Variants in OR7A10 observed in about 807,000 individuals in gnomAD.
The protein encoded by OR7A10 is olfactory receptor 7A10.
For missense variants in OR7A10, 358 were observed against 370.1 expected, an observed-to-expected ratio of 0.97 and a Z score of 0.27; for synonymous variants, 144 against 144.5, an observed-to-expected ratio of 1.00 and a Z score of 0.02.
intron 1 of OR7A10, among the ~76,000 whole-genome samples, chr19:14,845,292 T>C (rs893787136): frequency 6.6e-6 from 1 of 151,678 alleles, no homozygotes; most frequent in African/African-American, 2.4e-5. Flanking sequence ...CTGACCAACA[T>C]GGTGACACCC....
intron 1 of OR7A10, among the ~76,000 whole-genome samples, chr19:14,848,242 G>A (rs1169728868): frequency 1.3e-5 from 2 of 152,064 alleles, no homozygotes; most frequent in African/African-American, 4.8e-5. Context: ...AACTACTTTA[G>A]ACCCCACATT....
At position 14,841,893 on chromosome 19, in the gene OR7A10, C is replaced by T; in HGVS notation, c.-12-4G>A. 7.4e-7 allele frequency: 1 copy of T among 1,350,760 alleles called. No homozygotes were observed. The highest frequency in any genetic ancestry group is 1.0e-6 in the Non-Finnish European group (1 of 967,998). 83.7% of individuals were successfully genotyped at this position (1,350,760 alleles called of 1,614,324 possible). A position where few individuals can be genotyped will look rare whatever the true frequency, so the allele number is the denominator to read the frequency against. On this transcript the variant is annotated splice_polypyrimidine_tract_variant and splice_region_variant and intron_variant, in intron 1 of 1. Transcript: ENST00000641129. The stretch of plus-strand genomic sequence containing the variant: ...ATGATTTCATCTTGTGATGTGACTA[C>T]CAGAGAGAGAGAGAGAGAGAGAGAG...
chr19:14,840,839 T>C lies in OR7A10; in HGVS notation c.*109A>G. ...ACAAAGAAGTTTAAACTCCAGGAAA[T>C]AAATGGAAGGGGCAAGTCTTCCTTC... On this transcript the variant is annotated 3_prime_UTR_variant, in exon 2 of 2. Coordinates refer to ENST00000641129, the MANE Select transcript of OR7A10 (RefSeq NM_001005190.2). 1 of 745,634 alleles carries C rather than the reference T, an allele frequency of 1.3e-6. No homozygotes were observed. Among genetic ancestry groups the C allele is most frequent in the South Asian group, 2.0e-5 (1 of 50,600 alleles). The allele number at this position is 745,634 out of a possible 1,614,324, so 46.2% of individuals were successfully genotyped here.
chr19:14,844,260 A>G (rs978022759), intron 1 of OR7A10, among the ~76,000 whole-genome samples: 1 of 152,218 alleles, frequency 6.6e-6, no homozygotes, highest in African/African-American at 2.4e-5. Context: ...CAAAAAAGAA[A>G]ACATGGATGA....
At chr19:14,842,408 G>T (rs758110478) in intron 1 of OR7A10, among the ~76,000 whole-genome samples, 1 of 152,124 alleles carries the variant, frequency 6.6e-6, no homozygotes, top group Non-Finnish European at 1.5e-5. Flanking sequence ...GCACCACCAC[G>T]CCCATCTAAT....
chr19:14,847,179 G>A (rs2044946806), intron 1 of OR7A10, among the ~76,000 whole-genome samples: 1 of 152,108 alleles, frequency 6.6e-6, no homozygotes, highest in Admixed American at 6.5e-5. Context: ...GTTAAAGAAT[G>A]TAATAAAAAA....
intron 1 of OR7A10, among the ~76,000 whole-genome samples, chr19:14,842,408 G>A (rs758110478): frequency 5.3e-5 from 8 of 152,242 alleles, no homozygotes; most frequent in African/African-American, 9.6e-5. Flanking sequence ...GCACCACCAC[G>A]CCCATCTAAT....
rs759226616 is a variant in OR7A10 at position 14,841,773 on chromosome 19, G to C, written c.105C>G (p.Tyr35Ter). Reference protein sequence around the residue: ...AFLFGLFLSMYLVTVLGNLLI... With the variant: ...AFLFGLFLSM ...GCAGGTTCCCGAGCACAGTGACCAGGTACATGGACAGGAACAGCCCAAAGA... is the reference window on the plus strand; with the variant it reads ...GCAGGTTCCCGAGCACAGTGACCAGCTACATGGACAGGAACAGCCCAAAGA... Residue 35 changes from tyrosine to a stop codon, truncating the protein, a stop_gained, in exon 2 of 2, where the codon TAC becomes TAG. Coordinates refer to ENST00000641129, the MANE Select transcript of OR7A10 (RefSeq NM_001005190.2). LOFTEE classifies it low-confidence loss of function (END_TRUNC). The C allele has an allele frequency of 6.2e-7, 1 of 1,614,054 alleles. No homozygotes were observed. The highest frequency in any genetic ancestry group is 8.5e-7 in the Non-Finnish European group (1 of 1,180,018).
At chr19:14,843,669 T>C (rs181344018) in intron 1 of OR7A10, among the ~76,000 whole-genome samples, 1 of 152,358 alleles carries the variant, frequency 6.6e-6, no homozygotes, top group East Asian at 1.9e-4. Context: ...TCTGAGGGCA[T>C]CTACTCTACA....
intron 1 of OR7A10, among the ~76,000 whole-genome samples, chr19:14,844,728 T>C (rs1568258989): frequency 7.1e-6 from 1 of 141,842 alleles, no homozygotes; most frequent in Non-Finnish European, 1.5e-5. Flanking sequence ...AGCAGTGCGA[T>C]CTTGGCTCAC....
chr19:14,843,830 CAT>C (rs1261534918), intron 1 of OR7A10, among the ~76,000 whole-genome samples: 3 of 152,130 alleles, frequency 2.0e-5, no homozygotes, highest in Non-Finnish European at 4.4e-5. Flanking sequence ...CCAAACACCA[CAT>C]GTTCTCACTT....
In OR7A10 at chr19:14,841,772, G is replaced by T. The variant is rs753685929; in HGVS notation, c.106C>A (p.Leu36Met). ...FLFGLFLSMY[L>M]VTVLGNLLII... ...AGCAGGTTCCCGAGCACAGTGACCA[G>T]GTACATGGACAGGAACAGCCCAAAG... Residue 36 changes from leucine (L) to methionine (M), a missense_variant, in exon 2 of 2, where the codon CTG becomes ATG. By Grantham distance (15) the Leu-to-Met change is conservative (BLOSUM62 2). Coordinates refer to ENST00000641129, the MANE Select transcript of OR7A10 (RefSeq NM_001005190.2). The T allele has an allele frequency of 6.2e-7, 1 of 1,614,044 alleles. No individual in the cohort carries two copies. The highest frequency in any genetic ancestry group is 8.5e-7 in the Non-Finnish European group (1 of 1,180,004).
Position 14,841,346 on chromosome 19 carries a change from A to G in OR7A10, c.532T>C (p.Phe178Leu), listed in dbSNP as rs1352961230. 3.7e-6 allele frequency: 6 copies of G among 1,614,062 alleles called. No homozygotes were observed. The highest frequency in any genetic ancestry group is 5.1e-6 in the Non-Finnish European group (6 of 1,180,038). Reference protein sequence around the residue: ...FCTHMEIPHFFCEINQVVHLA... With the variant: ...FCTHMEIPHFLCEINQVVHLA... Reference sequence around the variant, plus strand: ...TGGACCACCTGATTAATTTCACAGAAAAAATGAGGGATTTCCATGTGTGTA... The same window carrying G: ...TGGACCACCTGATTAATTTCACAGAGAAAATGAGGGATTTCCATGTGTGTA... Residue 178 changes from phenylalanine to leucine, a missense_variant, in exon 2 of 2, where the codon TTC (phenylalanine) becomes CTC (leucine). Coordinates refer to ENST00000641129, the MANE Select transcript of OR7A10 (RefSeq NM_001005190.2).
chr19:14,847,648 C>T (rs545180021), intron 1 of OR7A10, among the ~76,000 whole-genome samples: 23 of 151,984 alleles, frequency 1.5e-4, no homozygotes, highest in Non-Finnish European at 2.6e-4. Flanking sequence ...GTAGCTGGGA[C>T]TACAAGCGCC....
chr19:14,847,456 G>A (rs1440718783), intron 1 of OR7A10, among the ~76,000 whole-genome samples: 1 of 152,136 alleles, frequency 6.6e-6, no homozygotes, highest in Non-Finnish European at 1.5e-5. Flanking sequence ...AAATTTATTG[G>A]TCTGGATCTT....
At chr19:14,847,454 TG>T (rs1195945138) in intron 1 of OR7A10, among the ~76,000 whole-genome samples, 1 of 152,238 alleles carries the variant, frequency 6.6e-6, no homozygotes, top group African/African-American at 2.4e-5. Context: ...AAAAATTTAT[TG>T]GTCTGGATCT....
rs1348866444 is a variant in OR7A10, at chr19:14,844,664, G to GTTTTTTTTTTTT, written c.-12-2787_-12-2776dup. On this transcript the variant is annotated intron_variant, in intron 1 of 1. Coordinates refer to ENST00000641129, the MANE Select transcript of OR7A10 (RefSeq NM_001005190.2). ...TTTTCACTGTTGCCTTGAGTTCTGT[G>GTTTTTTTTTTTT]TTTTTTTTTTTTTTTTGAGATGGAG... Among the ~76,000 whole-genome samples the GTTTTTTTTTTTT allele has an allele frequency of 1.4e-3, 133 of 97,628 alleles. 18 individuals carry two copies. Among genetic ancestry groups the GTTTTTTTTTTTT allele is most frequent in the South Asian group, 0.011 (28 of 2,488 alleles). 64.0% of individuals were successfully genotyped at this position (97,628 alleles called of 152,430 possible). A position where few individuals can be genotyped will look rare whatever the true frequency, so the allele number is the denominator to read the frequency against.
chr19:14,846,135 CAA>C (rs2145098374), intron 1 of OR7A10, among the ~76,000 whole-genome samples: 1 of 152,028 alleles, frequency 6.6e-6, no homozygotes, highest in Admixed American at 6.6e-5. Flanking sequence ...GCCTGGGTGA[CAA>C]GAGCAAGACT....
At position 14,841,034 on chromosome 19, in the gene OR7A10, T is replaced by A; in HGVS notation, c.844A>T (p.Thr282Ser). 6.2e-7 allele frequency: 1 copy of A among 1,614,018 alleles called. No homozygotes were observed. The change falls in exon 2 of 2, where the codon ACC becomes TCC. Residue 282 changes from threonine to serine, a missense_variant. Coordinates refer to ENST00000641129, the MANE Select transcript of OR7A10 (RefSeq NM_001005190.2). ...AAASVMYTVVTPMLNPFIYSL... is the reference protein window; with the variant it reads ...AAASVMYTVVSPMLNPFIYSL... ...TAGATGAAGGGGTTCAGCATGGGGG[T>A]GACCACAGTGTACATCACTGAGGCT...
Sources: allele counts gnomAD v4.1 joint callset (sites outside exome capture counted in the v4.1 genomes callset), GRCh38; gene constraint gnomAD v4.1.1; transcripts MANE v1.5; gene names NCBI Gene and HGNC (gene_info 2026-07-23, HGNC 2026-07-21).